Variants in MLIP observed in about 807,000 individuals in gnomAD.
MLIP encodes the protein muscular LMNA-interacting protein.
A neutral mutation model predicts 84.8 loss-of-function variants in MLIP; 79 were observed. The ratio of observed to expected loss-of-function variants is 0.93; its 90% CI spans 0.78 to 1.12. The LOEUF is 1.12. Ranked by LOEUF, MLIP falls within the 50% of genes most tolerant of loss-of-function variation. The pLI is 0.00. For synonymous variants in MLIP, 504 were observed against 463.0 expected (o/e 1.09, Z -1.14); for missense variants, 1,257 against 1,160.6 (o/e 1.08, Z -1.21).
intron 8 of MLIP, among the ~76,000 whole-genome samples, chr6:54,168,136 A>T (rs1775386380): frequency 6.6e-6 from 1 of 151,922 alleles, no homozygotes; most frequent in African/African-American, 2.4e-5. Context: ...TGGAAAGATT[A>T]CTTCCAGTTT....
intron 1 of MLIP, among the ~76,000 whole-genome samples, chr6:54,033,649 C>T (rs755405643): frequency 5.3e-5 from 8 of 152,084 alleles, no homozygotes; most frequent in Non-Finnish European, 7.3e-5. Flanking sequence ...TCCAGGTCTA[C>T]TCTCCTAACC....
At chr6:54,161,877 A>G (rs1020709718) in intron 8 of MLIP, among the ~76,000 whole-genome samples, 1 of 151,922 alleles carries the variant, frequency 6.6e-6, no homozygotes, top group African/African-American at 2.4e-5. Context: ...GATTTGTCAA[A>G]TATATTATAT....
intron 12 of MLIP, among the ~76,000 whole-genome samples, chr6:54,232,795 C>T (rs569490145): frequency 6.6e-6 from 1 of 152,336 alleles, no homozygotes; most frequent in Admixed American, 6.5e-5. Context: ...TCTGACCTTA[C>T]AGCTTTGCCT....
At chr6:54,217,935 T>A in intron 11 of MLIP, 2 of 985,368 alleles carry the variant, frequency 2.0e-6, no homozygotes, top group Non-Finnish European at 2.4e-6. Flanking sequence ...CTCAAGATAA[T>A]TCGCTGGGGT....
At chr6:54,239,139 T>A (rs184612854) in intron 12 of MLIP, among the ~76,000 whole-genome samples, 9 of 151,916 alleles carry the variant, frequency 5.9e-5, no homozygotes, top group African/African-American at 2.2e-4. Flanking sequence ...TCTACCACTA[T>A]AGCTTTCACT....
intron 11 of MLIP, among the ~76,000 whole-genome samples, chr6:54,214,082 T>G (rs770912691): frequency 6.6e-6 from 1 of 152,344 alleles, no homozygotes; most frequent in South Asian, 2.1e-4. Context: ...TTCAAGCAAC[T>G]TATACTTATT....
At position 54,137,316 on chromosome 6, in the gene MLIP, T is replaced by C. The variant is rs535287262; in HGVS notation, c.1247T>C (p.Leu416Pro). Residue 416 changes from leucine (L) to proline (P), a missense_variant, in exon 4 of 14, where the codon CTT becomes CCT. Coordinates refer to ENST00000502396, the MANE Select transcript of MLIP (RefSeq NM_001281747.2). Reference sequence around the variant, plus strand: ...TCCCCGGTGCCTTCCCGGCTTGCCCTTCTCACTGCCATTCTCAAGTCAAAC... The same window carrying C: ...TCCCCGGTGCCTTCCCGGCTTGCCCCTCTCACTGCCATTCTCAAGTCAAAC... ...VKSPVPSRLA[L>P]LTAILKSNPS... 5 of 1,535,882 alleles carry C rather than the reference T, an allele frequency of 3.3e-6. No individual in the cohort carries two copies. The highest frequency in any genetic ancestry group is 1.4e-5 in the African/African-American group (1 of 72,982).
At position 54,160,816 on chromosome 6, in the gene MLIP, T is replaced by C. The variant is rs1474097414; in HGVS notation, c.2499+17T>C. 1 of 1,596,022 alleles carries C rather than the reference T, an allele frequency of 6.3e-7. No homozygotes were observed. The highest frequency in any genetic ancestry group is 1.3e-5 in the African/African-American group (1 of 74,362). Reference sequence around the variant, plus strand: ...ACAGTCAAAGTATGTATGTATTTAATATAATTTATGGAACCATAAGATTTA... The same window carrying C: ...ACAGTCAAAGTATGTATGTATTTAACATAATTTATGGAACCATAAGATTTA... On this transcript the variant is annotated intron_variant, in intron 8 of 13. Transcript: ENST00000502396.
intron 12 of MLIP, among the ~76,000 whole-genome samples, chr6:54,255,346 G>A (rs905840711): frequency 6.6e-6 from 1 of 152,130 alleles, no homozygotes; most frequent in African/African-American, 2.4e-5. Flanking sequence ...AGTATTACTA[G>A]TGCTCACCTT....
intron 12 of MLIP, among the ~76,000 whole-genome samples, chr6:54,237,177 G>A (rs913308981): frequency 6.6e-6 from 1 of 151,814 alleles, no homozygotes; most frequent in Non-Finnish European, 1.5e-5. Context: ...ATCTGGTAAA[G>A]GGTGTGTGAG....
chr6:54,085,694 A>G (rs1767440834), intron 1 of MLIP, among the ~76,000 whole-genome samples: 1 of 152,184 alleles, frequency 6.6e-6, no homozygotes, highest in African/African-American at 2.4e-5. Context: ...TCAACTTGCC[A>G]AGCACAGATC....
chr6:54,125,243 A>C (rs938272382), intron 3 of MLIP, among the ~76,000 whole-genome samples: 4 of 152,222 alleles, frequency 2.6e-5, no homozygotes, highest in African/African-American at 9.7e-5. Flanking sequence ...TTTCAGACGT[A>C]AGAAAGATCT....
At chr6:54,167,203 T>A (rs1472229102) in intron 8 of MLIP, among the ~76,000 whole-genome samples, 1 of 151,880 alleles carries the variant, frequency 6.6e-6, no homozygotes, top group African/African-American at 2.4e-5. Flanking sequence ...ATGACCCTCC[T>A]CTATTTAAAA....
chr6:54,165,983 C>G (rs771697463), intron 8 of MLIP, among the ~76,000 whole-genome samples: 1 of 151,878 alleles, frequency 6.6e-6, no homozygotes, highest in Non-Finnish European at 1.5e-5. Context: ...TGGTCCCTCA[C>G]CAGACACCAA....
intron 1 of MLIP, among the ~76,000 whole-genome samples, chr6:54,025,494 A>G (rs759455839): frequency 4.6e-5 from 7 of 152,220 alleles, no homozygotes; most frequent in Non-Finnish European, 8.8e-5. Context: ...TTAATAAACT[A>G]ATTTTGGTGA....
At position 54,066,135 on chromosome 6, in the gene MLIP, C is replaced by T. The variant is rs190131246; in HGVS notation, c.63+47044C>T. Among the ~76,000 whole-genome samples the T allele has an allele frequency of 4.3e-3, 422 of 98,756 alleles. 42 individuals are homozygous for T. The highest frequency in any genetic ancestry group is 0.01 in the African/African-American group (406 of 38,966). 64.8% of individuals were successfully genotyped at this position (98,756 alleles called of 152,430 possible). A position where few individuals can be genotyped will look rare whatever the true frequency, so the allele number is the denominator to read the frequency against. On this transcript the variant is annotated intron_variant, in intron 1 of 12. Coordinates refer to the MLIP transcript ENST00000274897. ...TGTTTTTGTATTTTCCTTTAAACTG[C>T]TGTTATAAATGTCTGTTCATTAAAA... is the stretch of plus-strand genomic sequence containing the variant.
In MLIP at chr6:54,022,429, T is replaced by C. The variant is rs192258699; in HGVS notation, c.63+3338T>C. On this transcript the variant is annotated intron_variant, in intron 1 of 12. Transcript: ENST00000274897. ...TTAGCATATGAATTTGTAGTCTGAT[T>C]TTATTTTTGAGTTGCATTTTTGGAA... Among the ~76,000 whole-genome samples the C allele has an allele frequency of 6.6e-3, 1,003 of 152,302 alleles. 7 individuals carry two copies. The highest frequency in any genetic ancestry group is 9.8e-3 in the Admixed American group (150 of 15,304).
At chr6:54,250,039 A>G (rs1464357368) in intron 12 of MLIP, among the ~76,000 whole-genome samples, 2 of 152,026 alleles carry the variant, frequency 1.3e-5, no homozygotes, top group Non-Finnish European at 2.9e-5. Context: ...AAGTGAGAAC[A>G]TGCAGTATTT....
intron 12 of MLIP, among the ~76,000 whole-genome samples, chr6:54,248,031 C>G (rs951863141): frequency 6.6e-6 from 1 of 152,040 alleles, no homozygotes; most frequent in African/African-American, 2.4e-5. Flanking sequence ...ATTAGGAAGA[C>G]CTTGGATGGG....
Sources: allele counts gnomAD v4.1 joint callset (sites outside exome capture counted in the v4.1 genomes callset), GRCh38; gene constraint gnomAD v4.1.1; transcripts MANE v1.5; gene names NCBI Gene and HGNC (gene_info 2026-07-23, HGNC 2026-07-21).